The following PRKG1 variants were observed in gnomAD, a reference collection of about 807,000 sequenced individuals.
The protein encoded by PRKG1 is protein kinase cGMP-dependent 1, also known as cGMP-dependent protein kinase 1.
PRKG1 carries 35 observed loss-of-function variants against 88.1 expected under a neutral mutation model. That is an observed-to-expected ratio of 0.40 (90% CI 0.30 to 0.53). The LOEUF is 0.53. PRKG1 is among the 20% of genes least tolerant of loss of function. The probability of loss-of-function intolerance (pLI) is 0.59; values close to 1 mark genes in which losing one functional copy is unlikely to be tolerated. For missense variants in PRKG1, 540 were observed against 839.8 expected, an observed-to-expected ratio of 0.64 and a Z score of 4.41; for synonymous variants, 303 against 292.5, an observed-to-expected ratio of 1.04 and a Z score of -0.37.
intron 3 of PRKG1, among the ~76,000 whole-genome samples, chr10:51,750,110 A>G (rs376089044): frequency 6.6e-6 from 1 of 151,694 alleles, no homozygotes; most frequent in South Asian, 2.1e-4. Context: ...TAACTTTTGT[A>G]TTTTTAGTAG....
chr10:51,884,444 C>CAAAAAAAA (rs57229967), intron 4 of PRKG1, among the ~76,000 whole-genome samples: 19 of 70,022 alleles, frequency 2.7e-4, no homozygotes, highest in African/African-American at 4.5e-4. Flanking sequence ...AACTCCGTCT[C>CAAAAAAAA]AAAAAAAAAA....
intron 1 of PRKG1, among the ~76,000 whole-genome samples, chr10:51,020,924 A>G (rs1395182257): frequency 1.3e-5 from 2 of 152,220 alleles, no homozygotes; most frequent in African/African-American, 4.8e-5. Context: ...TAGAGGAGAT[A>G]TGTTAGTAAG....
chr10:52,120,119 A>G (rs1847785748), intron 7 of PRKG1, among the ~76,000 whole-genome samples: 1 of 152,092 alleles, frequency 6.6e-6, no homozygotes, highest in African/African-American at 2.4e-5. Context: ...TGCTTTTATA[A>G]CAAACTCACT....
intron 17 of PRKG1, among the ~76,000 whole-genome samples, chr10:52,290,628 CAGG>C (rs1438713774): frequency 6.6e-6 from 1 of 151,940 alleles, no homozygotes; most frequent in Non-Finnish European, 1.5e-5. Flanking sequence ...CACTTGAGGC[CAGG>C]AGTTCAAGAG....
intron 1 of PRKG1, among the ~76,000 whole-genome samples, chr10:51,049,828 A>G (rs528730461): frequency 1.3e-5 from 2 of 152,250 alleles, no homozygotes; most frequent in East Asian, 1.9e-4. Context: ...TTATTTTGTA[A>G]TAATTCTTGC....
intron 3 of PRKG1, among the ~76,000 whole-genome samples, chr10:51,700,562 T>C (rs538734107): frequency 1.2e-4 from 19 of 152,214 alleles, no homozygotes; most frequent in African/African-American, 4.6e-4. Flanking sequence ...AGTTAAAACA[T>C]ATTCAGTGTG....
chr10:51,693,243 G>C (rs1841190726), intron 3 of PRKG1, among the ~76,000 whole-genome samples: 2 of 143,028 alleles, frequency 1.4e-5, no homozygotes, highest in South Asian at 4.6e-4. Flanking sequence ...AGCTGAGATT[G>C]TGCCACTGTA....
intron 7 of PRKG1, among the ~76,000 whole-genome samples, chr10:52,133,583 TTGTTCTACTTGGG>T (rs1837323377): frequency 6.6e-6 from 1 of 152,124 alleles, no homozygotes; most frequent in African/African-American, 2.4e-5. Context: ...GATATCAAAT[TTGTTCTACTTGGG>T]TGAATGAAAT....
intron 9 of PRKG1, among the ~76,000 whole-genome samples, chr10:52,201,840 T>C (rs544549452): frequency 1.3e-5 from 2 of 152,270 alleles, no homozygotes; most frequent in South Asian, 2.1e-4. Context: ...ATTGCATTCT[T>C]GATTTGGCAC....
intron 1 of PRKG1, among the ~76,000 whole-genome samples, chr10:51,120,124 AAGAT>A (rs1845225540): frequency 6.6e-6 from 1 of 152,090 alleles, no homozygotes; most frequent in African/African-American, 2.4e-5. Context: ...TATTTTTTGA[AAGAT>A]AGTTGTGGAA....
chr10:51,781,193 T>C (rs1253188442), intron 3 of PRKG1, among the ~76,000 whole-genome samples: 2 of 152,154 alleles, frequency 1.3e-5, no homozygotes, highest in Non-Finnish European at 2.9e-5. Flanking sequence ...ATGCCCTTTC[T>C]GCTTTACAAA....
In PRKG1 at chr10:51,602,732, ATGTGTGTGTGTGTGTGTGTGTG is replaced by A. The variant is rs4041278; in HGVS notation, c.592+134924_592+134945del. On this transcript the variant is annotated intron_variant, in intron 3 of 17. Transcript: ENST00000373980. Reference sequence around the variant, plus strand: ...GCCTGGCTGGCTTTGATTAATATATATGTGTGTGTGTGTGTGTGTGTGTGTGTGTGTGTGTGTGTGTGTGTGT... The same window carrying A: ...GCCTGGCTGGCTTTGATTAATATATATGTGTGTGTGTGTGTGTGTGTGTGT... Among the ~76,000 whole-genome samples, 12 of 128,920 alleles carry A rather than the reference ATGTGTGTGTGTGTGTGTGTGTG, an allele frequency of 9.3e-5. No homozygotes were observed. The East Asian group carries it at 1.0e-3, about 11-fold the overall frequency. The allele number at this position is 128,920 out of a possible 152,430, so 84.6% of individuals were successfully genotyped here.
At chr10:51,186,953 G>GC (rs1837502379) in intron 2 of PRKG1, among the ~76,000 whole-genome samples, 1 of 78,254 alleles carries the variant, frequency 1.3e-5, no homozygotes, top group Non-Finnish European at 2.4e-5. Flanking sequence ...AAGGCCCTGT[G>GC]TTATATATAT....
At chr10:51,760,983 G>A (rs1360758806) in intron 3 of PRKG1, among the ~76,000 whole-genome samples, 1 of 152,020 alleles carries the variant, frequency 6.6e-6, no homozygotes, top group Admixed American at 6.5e-5. Context: ...AGTCTGGTGT[G>A]CATGCCTGTA....
chr10:51,987,650 G>A (rs980827507), intron 5 of PRKG1, among the ~76,000 whole-genome samples: 78 of 151,984 alleles, frequency 5.1e-4, no homozygotes, highest in African/African-American at 1.8e-3. Flanking sequence ...ATCTCCAACC[G>A]TAAAATTCAA....
At chr10:51,843,124 A>C (rs1589344571) in intron 4 of PRKG1, among the ~76,000 whole-genome samples, 4 of 92,900 alleles carry the variant, frequency 4.3e-5, no homozygotes, top group Non-Finnish European at 2.1e-5. Context: ...TTTGAGACGG[A>C]GTCTTCTGTT....
At chr10:52,159,117 CTATGGGTGATTT>C (rs1228770503) in intron 8 of PRKG1, among the ~76,000 whole-genome samples, 2 of 151,314 alleles carry the variant, frequency 1.3e-5, no homozygotes, top group Non-Finnish European at 3.0e-5. Context: ...AGTTAGAGTC[CTATGGGTGATTT>C]CTTAATTTCT....
chr10:51,312,413 T>C (rs1325741649), intron 2 of PRKG1, among the ~76,000 whole-genome samples: 1 of 152,188 alleles, frequency 6.6e-6, no homozygotes, highest in Non-Finnish European at 1.5e-5. Context: ...AACTGCGCTA[T>C]GACAAACAGC....
intron 2 of PRKG1, among the ~76,000 whole-genome samples, chr10:51,330,162 T>A (rs1841702373): frequency 6.7e-6 from 1 of 148,536 alleles, no homozygotes. Flanking sequence ...ATTTATTTTT[T>A]TTTTTTGAGA....
Sources: allele counts gnomAD v4.1 joint callset (sites outside exome capture counted in the v4.1 genomes callset), GRCh38; gene constraint gnomAD v4.1.1; transcripts MANE v1.5; gene names NCBI Gene and HGNC (gene_info 2026-07-23, HGNC 2026-07-21).